Variants in NF1 observed in about 807,000 individuals in gnomAD.
NF1 encodes the protein neurofibromin.
A neutral mutation model predicts 325.7 loss-of-function variants in NF1; 122 were observed. The observed-to-expected ratio is 0.37, with a 90% CI of 0.32 to 0.44. The LOEUF is 0.44. NF1 is among the 20% of genes least tolerant of loss of function. NF1 has a pLI of 1.00. For synonymous variants in NF1, 1,091 were observed against 1,186.0 expected (o/e 0.92, Z 1.65); for missense variants, 2,140 against 3,415.4 (o/e 0.63, Z 9.31).
chr17:31,222,151 T>C (rs2066935596), intron 15 of NF1: 1 of 1,265,128 alleles, frequency 7.9e-7, no homozygotes, highest in African/African-American at 1.5e-5. Flanking sequence ...TAGTGCTAAA[T>C]TTTGTCACCC....
At chr17:31,181,649 G>A (rs972560032) in intron 6 of NF1, 61 bp from the exon 7 acceptor site, 1 of 1,368,726 alleles carries the variant, frequency 7.3e-7, no homozygotes, top group East Asian at 2.3e-5. Flanking sequence ...AGAAGTTTGT[G>A]ACATTTTATT....
intron 1 of NF1, among the ~76,000 whole-genome samples, chr17:31,117,629 C>T (rs550481436): frequency 2.5e-4 from 31 of 126,162 alleles, no homozygotes; most frequent in Non-Finnish European, 2.9e-4. Context: ...GCCAAGACTG[C>T]GCCTCTGCAC....
At chr17:31,113,698 T>G (rs945925484) in intron 1 of NF1, among the ~76,000 whole-genome samples, 3 of 152,066 alleles carry the variant, frequency 2.0e-5, no homozygotes, top group African/African-American at 7.2e-5. Flanking sequence ...CCTGGCTAAT[T>G]TTTGTAGAGA....
intron 1 of NF1, among the ~76,000 whole-genome samples, chr17:31,123,061 C>T (rs2143400894): frequency 6.6e-6 from 1 of 152,254 alleles, no homozygotes. Flanking sequence ...CTTGAACTGC[C>T]ATGTTAAAAC....
At chr17:31,267,370 T>C (rs572003405) in intron 36 of NF1, among the ~76,000 whole-genome samples, 1 of 152,202 alleles carries the variant, frequency 6.6e-6, no homozygotes, top group Non-Finnish European at 1.5e-5. Flanking sequence ...AGGAGTAAAT[T>C]TGAGATTTTC....
At chr17:31,370,224 T>C (rs1422820093) in intron 57 of NF1, among the ~76,000 whole-genome samples, 2 of 152,170 alleles carry the variant, frequency 1.3e-5, no homozygotes, top group Non-Finnish European at 2.9e-5. Context: ...AATATCAACT[T>C]TTGACATAGT....
At chr17:31,223,809 G>C (rs1251840477) in intron 16 of NF1, among the ~76,000 whole-genome samples, 1 of 152,084 alleles carries the variant, frequency 6.6e-6, no homozygotes, top group African/African-American at 2.4e-5. Context: ...GAGTTAAATA[G>C]GTCTCTATGG....
intron 53 of NF1, 49 bp from the exon 54 acceptor site, chr17:31,357,220 C>T (rs1325540145): frequency 6.3e-7 from 1 of 1,597,822 alleles, no homozygotes; most frequent in South Asian, 1.1e-5. Flanking sequence ...GATAACAATT[C>T]AGCCACAAAG....
intron 8 of NF1, among the ~76,000 whole-genome samples, chr17:31,197,926 T>G (rs1206226759): frequency 6.6e-6 from 1 of 152,146 alleles, no homozygotes; most frequent in Non-Finnish European, 1.5e-5. Flanking sequence ...AGTATGTTGT[T>G]AGCTATTGGT....
At chr17:31,253,169 A>G (rs1460521835) in intron 31 of NF1, 169 bp downstream of exon 31, 1 of 614,552 alleles carries the variant, frequency 1.6e-6, no homozygotes, top group Non-Finnish European at 2.9e-6. Flanking sequence ...GAATTAAGTT[A>G]CATTGAAACA....
intron 13 of NF1, among the ~76,000 whole-genome samples, chr17:31,215,823 TA>T (rs1374859114): frequency 6.6e-6 from 1 of 152,238 alleles, no homozygotes; most frequent in Non-Finnish European, 1.5e-5. Flanking sequence ...GCATATTTTT[TA>T]AATTACTGTA....
intron 11 of NF1, among the ~76,000 whole-genome samples, chr17:31,203,696 GTA>G (rs2066570800): frequency 6.6e-6 from 1 of 152,108 alleles, no homozygotes; most frequent in Non-Finnish European, 1.5e-5. Flanking sequence ...CATTCGTAGT[GTA>G]AATTTTTTTT....
rs2067083880 is a variant in NF1 at position 31,229,898 on chromosome 17, C to A, written c.2914C>A (p.Leu972Ile). The A allele has an allele frequency of 6.2e-7, 1 of 1,611,740 alleles. No homozygotes were observed. Among genetic ancestry groups the A allele is most frequent in the Non-Finnish European group, 8.5e-7 (1 of 1,179,660 alleles). ...EQTIAIMKNL[L>I]DNHTEGSSEH... ...AACCATAGCTATAATGAAGAACTTG[C>A]TAGATAATCATACTGAAGGCAGCTC... Residue 972 changes from leucine to isoleucine, a missense_variant, in exon 22 of 58, where the codon CTA becomes ATA. Leu to Ile is a conservative substitution (Grantham distance 5, BLOSUM62 2). Coordinates refer to ENST00000358273, the MANE Select transcript of NF1 (RefSeq NM_001042492.3).
At chr17:31,145,871 A>G (rs1916552412) in intron 1 of NF1, among the ~76,000 whole-genome samples, 1 of 152,212 alleles carries the variant, frequency 6.6e-6, no homozygotes, top group Non-Finnish European at 1.5e-5. Context: ...GAAACATGGT[A>G]GGAAGATTAT....
At chr17:31,321,083 T>C (rs2069176030) in intron 36 of NF1, 1 of 152,242 alleles carries the variant, frequency 6.6e-6, no homozygotes, top group Admixed American at 6.5e-5. Context: ...AATTGAGGAC[T>C]GTTTTTACTC....
chr17:31,296,971 A>G (rs1439184037), intron 36 of NF1: 1 of 152,790 alleles, frequency 6.5e-6, no homozygotes, highest in Non-Finnish European at 1.5e-5. Flanking sequence ...TTTAAAGGAA[A>G]ACAATATGTA....
intron 1 of NF1, among the ~76,000 whole-genome samples, chr17:31,149,765 A>G (rs1198418234): frequency 6.6e-6 from 1 of 152,152 alleles, no homozygotes; most frequent in Non-Finnish European, 1.5e-5. Flanking sequence ...TGAGAAGTCA[A>G]ATATATCCAG....
chr17:31,320,685 T>C (rs2069163933), intron 36 of NF1, among the ~76,000 whole-genome samples: 1 of 152,202 alleles, frequency 6.6e-6, no homozygotes, highest in African/African-American at 2.4e-5. Context: ...TGACCTTTAG[T>C]AGACAATTAA....
chr17:31,164,473 A>G (rs17880423), intron 4 of NF1, among the ~76,000 whole-genome samples: 2,671 of 152,346 alleles, frequency 0.018, 74 homozygotes, highest in African/African-American at 0.061. Flanking sequence ...TAACTTAATT[A>G]GAAACTATAG....
Sources: allele counts gnomAD v4.1 joint callset (sites outside exome capture counted in the v4.1 genomes callset), GRCh38; gene constraint gnomAD v4.1.1; transcripts MANE v1.5; gene names NCBI Gene and HGNC (gene_info 2026-07-23, HGNC 2026-07-21).